The following MSRB3 variants were observed in gnomAD, a reference collection of about 807,000 sequenced individuals.
The protein encoded by MSRB3 is methionine sulfoxide reductase B3.
MSRB3 carries 13 observed loss-of-function variants against 21.0 expected under a neutral mutation model. That is an observed-to-expected ratio of 0.62 (90% CI 0.40 to 0.98). The LOEUF is 0.98. Ranked by LOEUF, MSRB3 falls within the 50% of genes least tolerant of loss-of-function variation. MSRB3 has a pLI of 0.00. For missense variants in MSRB3, 199 were observed against 230.3 expected, an observed-to-expected ratio of 0.86 and a Z score of 0.88; for synonymous variants, 87 against 88.6, an observed-to-expected ratio of 0.98 and a Z score of 0.10.
rs899979776 is a variant in MSRB3 at position 65,466,090 on chromosome 12, C to T, written c.*2768C>T. ...ATTGTCATTGTTCCTTCATTTATATCGTAGGGCTTAACATTTCACTCAAAA... is the reference window on the plus strand; with the variant it reads ...ATTGTCATTGTTCCTTCATTTATATTGTAGGGCTTAACATTTCACTCAAAA... On this transcript the variant is annotated 3_prime_UTR_variant, in exon 7 of 7. Transcript: ENST00000308259. 1 of 152,072 alleles carries T rather than the reference C, an allele frequency of 6.6e-6. No homozygotes were observed. The highest frequency in any genetic ancestry group is 1.5e-5 in the Non-Finnish European group (1 of 68,008). 9.4% of individuals were successfully genotyped at this position (152,072 alleles called of 1,614,324 possible).
intron 5 of MSRB3, among the ~76,000 whole-genome samples, chr12:65,432,103 C>T (rs1235318464): frequency 6.6e-6 from 1 of 151,860 alleles, no homozygotes; most frequent in Non-Finnish European, 1.5e-5. Context: ...CTTTTTTAAA[C>T]TTTTAAATCA....
intron 5 of MSRB3, among the ~76,000 whole-genome samples, chr12:65,431,390 T>C (rs1881870540): frequency 6.6e-6 from 1 of 152,160 alleles, no homozygotes; most frequent in African/African-American, 2.4e-5. Flanking sequence ...CCAGCATTAA[T>C]TTTTTTGTGC....
intron 1 of MSRB3, among the ~76,000 whole-genome samples, chr12:65,297,040 T>G (rs1482402677): frequency 6.6e-6 from 1 of 152,136 alleles, no homozygotes; most frequent in Non-Finnish European, 1.5e-5. Context: ...TATGCAGCCA[T>G]AAAAAGGAAC....
intron 2 of MSRB3, among the ~76,000 whole-genome samples, chr12:65,325,366 AG>A (rs367613444): frequency 2.0e-5 from 3 of 152,308 alleles, no homozygotes; most frequent in South Asian, 2.1e-4. Flanking sequence ...AGGCCAGGGA[AG>A]GGCTGAAGTA....
intron 1 of MSRB3, among the ~76,000 whole-genome samples, chr12:65,297,470 A>G (rs759001114): frequency 2.0e-5 from 3 of 152,220 alleles, no homozygotes; most frequent in African/African-American, 4.8e-5. Context: ...ATGGGAAACT[A>G]TAAATTGTTG....
At chr12:65,371,459 C>A (rs1419791722) in intron 5 of MSRB3, among the ~76,000 whole-genome samples, 1 of 150,182 alleles carries the variant, frequency 6.7e-6, no homozygotes, top group Non-Finnish European at 1.5e-5. Context: ...TCTGACAAAG[C>A]AAGATTTTTA....
chr12:65,448,617 G>A (rs1371083303), intron 5 of MSRB3, among the ~76,000 whole-genome samples: 2 of 152,154 alleles, frequency 1.3e-5, no homozygotes, highest in Non-Finnish European at 1.5e-5. Context: ...GTCTAATATG[G>A]TCGCCATTAG....
intron 1 of MSRB3, among the ~76,000 whole-genome samples, chr12:65,280,116 A>T (rs1161050189): frequency 6.6e-6 from 1 of 152,214 alleles, no homozygotes; most frequent in African/African-American, 2.4e-5. Flanking sequence ...AATTTTGTCT[A>T]TAAAAAAACT....
intron 5 of MSRB3, among the ~76,000 whole-genome samples, chr12:65,389,661 T>C (rs925763477): frequency 2.0e-5 from 3 of 152,196 alleles, no homozygotes; most frequent in Admixed American, 6.5e-5. Context: ...ATGTACTTCA[T>C]CATTTTACTT....
chr12:65,279,191 G>A (rs1302176657), intron 1 of MSRB3: 2 of 679,064 alleles, frequency 2.9e-6, no homozygotes, highest in Non-Finnish European at 4.1e-6. Context: ...GCGGGCCCAG[G>A]AGAGAGGGAT....
chr12:65,422,422 A>ATATAT, intron 5 of MSRB3, among the ~76,000 whole-genome samples: 1 of 78,896 alleles, frequency 1.3e-5, no homozygotes, highest in Admixed American at 1.3e-4. Flanking sequence ...ATATATATAT[A>ATATAT]TATATATATT....
chr12:65,428,510 C>G (rs939311346), intron 5 of MSRB3, among the ~76,000 whole-genome samples: 20 of 152,166 alleles, frequency 1.3e-4, no homozygotes, highest in Admixed American at 1.3e-3. Flanking sequence ...AACACTTGCT[C>G]TAATGGACTG....
At chr12:65,339,547 AAC>A (rs1392375295) in intron 4 of MSRB3, among the ~76,000 whole-genome samples, 2 of 152,252 alleles carry the variant, frequency 1.3e-5, no homozygotes, top group South Asian at 2.1e-4. Flanking sequence ...GATGTTTGGT[AAC>A]ACCATTACAC....
chr12:65,302,447 C>T (rs911011886), intron 1 of MSRB3, among the ~76,000 whole-genome samples: 1 of 152,132 alleles, frequency 6.6e-6, no homozygotes, highest in Non-Finnish European at 1.5e-5. Flanking sequence ...AATGTTCCCA[C>T]TTAAGCTAAT....
chr12:65,352,572 C>T (rs1033103524), intron 4 of MSRB3, among the ~76,000 whole-genome samples: 1 of 151,906 alleles, frequency 6.6e-6, no homozygotes, highest in African/African-American at 2.4e-5. Flanking sequence ...ACCCCATTGT[C>T]TCAGCCCAAA....
chr12:65,460,736 C>CTTTTTTTTTTTTTTTTTT, intron 6 of MSRB3, among the ~76,000 whole-genome samples: 1 of 132,972 alleles, frequency 7.5e-6, no homozygotes, highest in Non-Finnish European at 1.6e-5. Context: ...CTCTTCCTCA[C>CTTTTTTTTTTTTTTTTTT]TTTTTTTTTT....
chr12:65,322,258 G>A (rs1416360462), intron 2 of MSRB3, among the ~76,000 whole-genome samples: 1 of 152,142 alleles, frequency 6.6e-6, no homozygotes, highest in Non-Finnish European at 1.5e-5. Context: ...ATGTACTGAG[G>A]TGATTATTAC....
intron 2 of MSRB3, among the ~76,000 whole-genome samples, chr12:65,326,320 T>C (rs1298279111): frequency 6.6e-6 from 1 of 152,158 alleles, no homozygotes; most frequent in Admixed American, 6.5e-5. Context: ...TAGAAAAATA[T>C]ATTTTTAGGG....
intron 4 of MSRB3, among the ~76,000 whole-genome samples, chr12:65,364,568 C>T (rs1254231175): frequency 6.6e-6 from 1 of 152,082 alleles, no homozygotes; most frequent in Admixed American, 6.6e-5. Context: ...AAAATAAACA[C>T]GTAAAAATAT....
Sources: gnomAD v4.1 joint callset for allele counts (sites outside exome capture counted in the v4.1 genomes callset) on GRCh38, gnomAD v4.1.1 for gene constraint, MANE v1.5 for transcripts, NCBI Gene and HGNC (gene_info 2026-07-23, HGNC 2026-07-21) for gene names.